COP1: variants seen among roughly 807,000 people sequenced by gnomAD.
COP1 encodes the protein E3 ubiquitin-protein ligase COP1.
COP1 carries 24 observed loss-of-function variants against 101.3 expected under a neutral mutation model. The ratio of observed to expected loss-of-function variants is 0.24; its 90% CI spans 0.17 to 0.33. The LOEUF (loss-of-function observed/expected upper bound fraction) is 0.33, where lower values mean the gene tolerates loss of function less well. Ranked by LOEUF, COP1 falls within the 10% of genes least tolerant of loss-of-function variation. The pLI is 1.00. For missense variants in COP1, 663 were observed against 906.2 expected, an observed-to-expected ratio of 0.73 and a Z score of 3.45; for synonymous variants, 347 against 341.9, an observed-to-expected ratio of 1.01 and a Z score of -0.17.
chr1:176,152,537 C>A (rs555037999), intron 5 of COP1, among the ~76,000 whole-genome samples: 2 of 152,066 alleles, frequency 1.3e-5, no homozygotes, highest in African/African-American at 4.8e-5. Context: ...AGCCTCCGCT[C>A]CCCAAGGTGA....
At chr1:176,138,630 T>A (rs971598738) in intron 6 of COP1, among the ~76,000 whole-genome samples, 10 of 152,162 alleles carry the variant, frequency 6.6e-5, no homozygotes, top group South Asian at 2.1e-4. Context: ...GACTTATTAA[T>A]AGATAGGAAC....
chr1:175,985,595 A>G (rs1474642528), intron 18 of COP1, among the ~76,000 whole-genome samples: 2 of 152,202 alleles, frequency 1.3e-5, no homozygotes, highest in African/African-American at 2.4e-5. Flanking sequence ...TGAAGCTAGT[A>G]TAAGCACTTT....
chr1:176,041,087 A>G (rs775159911), intron 14 of COP1, among the ~76,000 whole-genome samples: 4 of 152,320 alleles, frequency 2.6e-5, no homozygotes, highest in Middle Eastern at 6.8e-3. Flanking sequence ...GCCTTGATAT[A>G]TGATGAACTT....
intron 2 of COP1, among the ~76,000 whole-genome samples, chr1:176,182,357 A>G (rs1334803155): frequency 6.6e-6 from 1 of 152,224 alleles, no homozygotes; most frequent in Non-Finnish European, 1.5e-5. Flanking sequence ...CTGGTCTAAC[A>G]ATATCAAGAA....
At chr1:176,139,213 A>G (rs189079763) in intron 6 of COP1, among the ~76,000 whole-genome samples, 2 of 152,070 alleles carry the variant, frequency 1.3e-5, no homozygotes, top group African/African-American at 4.8e-5. Context: ...TGTTAACAAA[A>G]ACCAAAATGA....
rs918285715 is a variant in COP1 at position 176,058,139 on chromosome 1, G to GGT, written c.1278-11816_1278-11815insAC. Reference sequence around the variant, plus strand: ...CCCGTCGGGAGGGAGGTGGGGTGGGGGGGGGGTCAGCCCCCGCCCGGCCAG... The same window carrying GGT: ...CCCGTCGGGAGGGAGGTGGGGTGGGGGTGGGGGGTCAGCCCCCGCCCGGCCAG... On this transcript the variant is annotated intron_variant, in intron 11 of 19. Coordinates refer to ENST00000367669, the MANE Select transcript of COP1 (RefSeq NM_022457.7). Among the ~76,000 whole-genome samples the GGT allele has an allele frequency of 2.1e-4, 30 of 140,210 alleles. 2 individuals are homozygous for GGT. Among genetic ancestry groups the GGT allele is most frequent in the South Asian group, 7.1e-4 (3 of 4,222 alleles). 92.0% of individuals were successfully genotyped at this position (140,210 alleles called of 152,430 possible).
At chr1:176,048,290 C>A (rs1032478996) in intron 11 of COP1, among the ~76,000 whole-genome samples, 3 of 150,250 alleles carry the variant, frequency 2.0e-5, no homozygotes, top group African/African-American at 7.4e-5. Flanking sequence ...ACCTCAGCCT[C>A]CCAAAGTGCT....
At chr1:176,176,651 A>G (rs1364859026) in intron 2 of COP1, among the ~76,000 whole-genome samples, 1 of 152,056 alleles carries the variant, frequency 6.6e-6, no homozygotes, top group Admixed American at 6.6e-5. Flanking sequence ...AGACTCCATT[A>G]CTACAGAAAA....
At chr1:176,205,518 A>C (rs1196849641) in intron 1 of COP1, among the ~76,000 whole-genome samples, 1 of 152,180 alleles carries the variant, frequency 6.6e-6, no homozygotes, top group African/African-American at 2.4e-5. Flanking sequence ...CCTCATAATG[A>C]CTGTGCAAGC....
At chr1:176,054,673 A>G (rs554994744) in intron 11 of COP1, among the ~76,000 whole-genome samples, 1 of 152,082 alleles carries the variant, frequency 6.6e-6, no homozygotes, top group East Asian at 1.9e-4. Flanking sequence ...TTGCTTACCT[A>G]CTCAAGGATT....
chr1:176,180,075 C>T (rs1697541537), intron 2 of COP1, among the ~76,000 whole-genome samples: 1 of 152,144 alleles, frequency 6.6e-6, no homozygotes. Flanking sequence ...AAGAGACCTG[C>T]CTTAGTTTGA....
chr1:176,198,643 T>G (rs1320969246), intron 1 of COP1, among the ~76,000 whole-genome samples: 1 of 151,940 alleles, frequency 6.6e-6, no homozygotes, highest in Non-Finnish European at 1.5e-5. Context: ...GAAAAAACTT[T>G]TGCACTTTAA....
chr1:175,974,324 A>T (rs997623791), intron 18 of COP1, among the ~76,000 whole-genome samples: 4 of 152,208 alleles, frequency 2.6e-5, no homozygotes, highest in African/African-American at 9.6e-5. Flanking sequence ...AAAGTCTTTA[A>T]ATTTATGAAA....
intron 15 of COP1, among the ~76,000 whole-genome samples, chr1:175,999,377 G>A (rs565088423): frequency 1.3e-5 from 2 of 151,892 alleles, no homozygotes; most frequent in South Asian, 4.2e-4. Flanking sequence ...TCTATGCCAG[G>A]CTTATTTCAC....
intron 9 of COP1, among the ~76,000 whole-genome samples, chr1:176,116,379 AAC>A (rs1686188156): frequency 6.6e-6 from 1 of 152,170 alleles, no homozygotes; most frequent in African/African-American, 2.4e-5. Context: ...AACAAAGCAA[AAC>A]ACTTTAGATT....
At chr1:176,034,800 T>A (rs2149115266) in intron 14 of COP1, among the ~76,000 whole-genome samples, 1 of 152,348 alleles carries the variant, frequency 6.6e-6, no homozygotes, top group African/African-American at 2.4e-5. Flanking sequence ...CTAACTGGCA[T>A]GGGCATTAGG....
intron 3 of COP1, among the ~76,000 whole-genome samples, chr1:176,168,506 G>GAGGGAAGAAGGA (rs1695512862): frequency 1.3e-4 from 1 of 7,712 alleles, no homozygotes; most frequent in Non-Finnish European, 2.0e-3. Flanking sequence ...AGAAGGAAGG[G>GAGGGAAGAAGGA]AGGGAGGGAG....
intron 15 of COP1, among the ~76,000 whole-genome samples, chr1:175,990,127 A>C (rs1038729949): frequency 1.3e-5 from 2 of 152,006 alleles, no homozygotes; most frequent in Non-Finnish European, 2.9e-5. Flanking sequence ...CTGATACCAC[A>C]AATTGTGATA....
intron 18 of COP1, among the ~76,000 whole-genome samples, chr1:175,984,330 G>A (rs1297558987): frequency 6.6e-6 from 1 of 152,218 alleles, no homozygotes; most frequent in East Asian, 1.9e-4. Flanking sequence ...GGCTTCAGAG[G>A]GTGCAAGCCC....
Sources: gnomAD v4.1 joint callset for allele counts (sites outside exome capture counted in the v4.1 genomes callset) on GRCh38, gnomAD v4.1.1 for gene constraint, MANE v1.5 for transcripts, NCBI Gene and HGNC (gene_info 2026-07-23, HGNC 2026-07-21) for gene names.